Variants in NRXN1 observed in about 807,000 individuals in gnomAD.
NRXN1 encodes neurexin-1.
In NRXN1, 39 loss-of-function variants were observed where a neutral mutation model predicts 150.9. That is an observed-to-expected ratio of 0.26 (90% CI 0.20 to 0.34). The LOEUF (loss-of-function observed/expected upper bound fraction) is 0.34, where lower values mean the gene tolerates loss of function less well. Among genes scored for constraint, NRXN1 ranks in the 10% least tolerant of loss-of-function variants. The pLI, the probability that NRXN1 is intolerant of heterozygous loss-of-function variation, is 1.00. For synonymous variants in NRXN1, 924 were observed against 757.0 expected (o/e 1.22, Z -3.62); for missense variants, 1,815 against 1,949.9 (o/e 0.93, Z 1.30).
At chr2:50,649,868 A>G (rs542793906) in intron 5 of NRXN1, among the ~76,000 whole-genome samples, 1 of 152,122 alleles carries the variant, frequency 6.6e-6, no homozygotes, top group African/African-American at 2.4e-5. Flanking sequence ...CATAGATGCT[A>G]TAATTGCCCT....
At chr2:49,946,688 G>A (rs919537997) in intron 21 of NRXN1, among the ~76,000 whole-genome samples, 44 of 152,018 alleles carry the variant, frequency 2.9e-4, no homozygotes, top group African/African-American at 1.0e-3. Flanking sequence ...AGATCAGCTG[G>A]TCTTCAAAGA....
intron 12 of NRXN1, among the ~76,000 whole-genome samples, chr2:50,507,515 T>A (rs1320499726): frequency 6.6e-6 from 1 of 151,646 alleles, no homozygotes; most frequent in Non-Finnish European, 1.5e-5. Context: ...AAGTAACTGC[T>A]AGTGAATCTA....
intron 5 of NRXN1, among the ~76,000 whole-genome samples, chr2:50,747,200 A>G (rs924571069): frequency 3.3e-5 from 5 of 152,128 alleles, no homozygotes; most frequent in African/African-American, 9.7e-5. Context: ...ATGGCCACAG[A>G]TCAGAAGTGG....
intron 17 of NRXN1, among the ~76,000 whole-genome samples, chr2:50,291,779 G>C (rs2072955331): frequency 6.6e-6 from 1 of 152,112 alleles, no homozygotes; most frequent in African/African-American, 2.4e-5. Flanking sequence ...AGTCACAGGA[G>C]CAATAAATTC....
intron 12 of NRXN1, among the ~76,000 whole-genome samples, chr2:50,519,889 A>G (rs1160678366): frequency 6.6e-6 from 1 of 151,908 alleles, no homozygotes; most frequent in African/African-American, 2.4e-5. Context: ...GTGACCTGGA[A>G]TTGCTTTATA....
chr2:50,873,666 G>T (rs1678134783), intron 5 of NRXN1, among the ~76,000 whole-genome samples: 1 of 151,764 alleles, frequency 6.6e-6, no homozygotes, highest in Non-Finnish European at 1.5e-5. Flanking sequence ...TATACAAATT[G>T]CTTGATAAAC....
chr2:50,362,929 T>C (rs150527996), intron 17 of NRXN1, among the ~76,000 whole-genome samples: 3,208 of 152,114 alleles, frequency 0.021, 260 homozygotes, highest in East Asian at 0.14. Context: ...GCCTCAGAAA[T>C]AACACCACAC....
chr2:50,834,049 A>G (rs1210203781), intron 5 of NRXN1, among the ~76,000 whole-genome samples: 1 of 152,314 alleles, frequency 6.6e-6, no homozygotes, highest in East Asian at 1.9e-4. Context: ...AAAATACTTA[A>G]TGTAAAACTA....
At chr2:49,949,146 G>A (rs1020579343) in intron 21 of NRXN1, among the ~76,000 whole-genome samples, 5 of 151,892 alleles carry the variant, frequency 3.3e-5, no homozygotes, top group African/African-American at 1.2e-4. Flanking sequence ...ATGTCAGGAC[G>A]GGGGCAAAAG....
In NRXN1 at chr2:50,567,993, T is replaced by C. The variant is rs529804509; in HGVS notation, c.1321-14968A>G. ...TGCAGCACAGTGCCTCTCATAAAAT[T>C]AGGGTCCCCATTTTTCAGAAGAAAC... On this transcript the variant is annotated intron_variant, in intron 8 of 22. Coordinates refer to ENST00000401669, the MANE Select transcript of NRXN1 (RefSeq NM_001330078.2). 4.5e-4 allele frequency among the ~76,000 whole-genome samples: 68 copies of C among 152,158 alleles called. 2 individuals are homozygous for C. The South Asian group carries it at 0.014, about 31-fold the overall frequency.
chr2:50,737,255 T>A (rs147429526), intron 5 of NRXN1, among the ~76,000 whole-genome samples: 4 of 152,184 alleles, frequency 2.6e-5, no homozygotes, highest in Non-Finnish European at 4.4e-5. Flanking sequence ...TCTGAACCAG[T>A]GATATACACT....
Position 50,511,416 on chromosome 2 carries a change from C to T in NRXN1, c.2375-4799G>A, listed in dbSNP as rs576949031. Among the ~76,000 whole-genome samples, 53 of 152,282 alleles carry T rather than the reference C, an allele frequency of 3.5e-4. 1 individual carries two copies. Among genetic ancestry groups the T allele is most frequent in the Middle Eastern group, 6.8e-3 (2 of 294 alleles). On this transcript the variant is annotated intron_variant, in intron 12 of 22. Transcript: ENST00000401669. ...GACAATGCTGATTTAGAATGAATTT[C>T]TCAAGGCACACCAAAATCTGAGTCT...
At chr2:50,392,353 A>G (rs531438639) in intron 17 of NRXN1, among the ~76,000 whole-genome samples, 1 of 152,120 alleles carries the variant, frequency 6.6e-6, no homozygotes, top group African/African-American at 2.4e-5. Context: ...AATTACTTAC[A>G]GATTATCACT....
At chr2:50,591,559 T>C (rs1243587098) in intron 8 of NRXN1, among the ~76,000 whole-genome samples, 1 of 152,172 alleles carries the variant, frequency 6.6e-6, no homozygotes, top group South Asian at 2.1e-4. Context: ...GAGTTATCTA[T>C]TTTTATTTAT....
At chr2:50,300,314 A>G (rs1397581263) in intron 17 of NRXN1, among the ~76,000 whole-genome samples, 1 of 152,206 alleles carries the variant, frequency 6.6e-6, no homozygotes, top group African/African-American at 2.4e-5. Flanking sequence ...TTTGAGTTAT[A>G]CTTGTTGTCA....
In NRXN1 at chr2:50,651,623, C is replaced by T. The variant is rs566646799; in HGVS notation, c.833-28008G>A. Among the ~76,000 whole-genome samples, 87 of 152,058 alleles carry T rather than the reference C, an allele frequency of 5.7e-4. 1 individual carries two copies. Among genetic ancestry groups the T allele is most frequent in the African/African-American group, 1.9e-3 (78 of 41,510 alleles). On this transcript the variant is annotated intron_variant, in intron 5 of 22. Coordinates refer to ENST00000401669, the MANE Select transcript of NRXN1 (RefSeq NM_001330078.2). ...CAGCGAGCTGTAAACATGCACTGCA[C>T]TCCGGCCTGAATGACACAGTAAAAC...
intron 5 of NRXN1, among the ~76,000 whole-genome samples, chr2:50,700,942 A>G (rs1559142109): frequency 6.6e-6 from 1 of 152,090 alleles, no homozygotes. Flanking sequence ...CTGGGATTAC[A>G]GGCGTGAGCA....
chr2:50,609,515 C>T (rs1039888948), intron 8 of NRXN1, among the ~76,000 whole-genome samples: 4 of 152,018 alleles, frequency 2.6e-5, no homozygotes, highest in Non-Finnish European at 5.9e-5. Flanking sequence ...ACTCTCAGAG[C>T]CTCAATTACA....
chr2:50,506,097 T>C (rs1001858872), intron 13 of NRXN1, among the ~76,000 whole-genome samples: 2 of 152,086 alleles, frequency 1.3e-5, no homozygotes, highest in Non-Finnish European at 2.9e-5. Flanking sequence ...CGCCAGTATA[T>C]CTATCATCTT....
Sources: gnomAD v4.1 joint callset for allele counts (sites outside exome capture counted in the v4.1 genomes callset) on GRCh38, gnomAD v4.1.1 for gene constraint, MANE v1.5 for transcripts, NCBI Gene and HGNC (gene_info 2026-07-23, HGNC 2026-07-21) for gene names.